Variants in KLF15 observed in about 807,000 individuals in gnomAD.
The protein encoded by KLF15 is KLF transcription factor 15, also known as Krueppel-like factor 15.
A neutral mutation model predicts 24.6 loss-of-function variants in KLF15; 4 were observed. The ratio of observed to expected loss-of-function variants is 0.16; its 90% CI spans 0.08 to 0.37. KLF15 has a LOEUF of 0.37. KLF15 is among the 10% of genes least tolerant of loss of function. KLF15 has a pLI of 1.00. For synonymous variants in KLF15, 246 were observed against 236.3 expected, an observed-to-expected ratio of 1.04 and a Z score of -0.37; for missense variants, 496 against 560.6, an observed-to-expected ratio of 0.88 and a Z score of 1.16.
intron 1 of KLF15, among the ~76,000 whole-genome samples, chr3:126,354,989 G>A (rs941722180): frequency 3.9e-5 from 6 of 152,222 alleles, no homozygotes; most frequent in Admixed American, 3.9e-4. Flanking sequence ...CTGGCACACC[G>A]GCAGCACTCA....
At chr3:126,330,788 T>C in the KLF15 span, among the ~76,000 whole-genome samples, 1 of 152,248 alleles carries the variant, frequency 6.6e-6, no homozygotes, top group African/African-American at 2.4e-5. Flanking sequence ...GTGAATTTTC[T>C]GTGCATGATG....
intron 1 of KLF15, among the ~76,000 whole-genome samples, chr3:126,353,165 C>G (rs1474609175): frequency 1.3e-5 from 2 of 152,236 alleles, no homozygotes; most frequent in African/African-American, 2.4e-5. Flanking sequence ...ATTGCATAAC[C>G]AGGGGCACTT....
At chr3:126,319,655 G>T in the KLF15 span, among the ~76,000 whole-genome samples, 1 of 152,080 alleles carries the variant, frequency 6.6e-6, no homozygotes, top group Admixed American at 6.5e-5. Flanking sequence ...GAGTTGTTTT[G>T]TTGTGTTTTT....
At chr3:126,346,099 T>C (rs905487280) in intron 2 of KLF15, among the ~76,000 whole-genome samples, 9 of 152,148 alleles carry the variant, frequency 5.9e-5, no homozygotes, top group Non-Finnish European at 1.2e-4. Context: ...TGGGTGTGTG[T>C]GTCACAGGGC....
the KLF15 span, among the ~76,000 whole-genome samples, chr3:126,327,789 A>G: frequency 6.6e-6 from 1 of 152,222 alleles, no homozygotes; most frequent in East Asian, 1.9e-4. Flanking sequence ...TCTGGTTACC[A>G]TAATTTATCT....
chr3:126,349,894 G>A (rs1158828539), intron 2 of KLF15, among the ~76,000 whole-genome samples: 3 of 152,220 alleles, frequency 2.0e-5, no homozygotes, highest in Non-Finnish European at 4.4e-5. Context: ...CCCTCTTGGG[G>A]GCTGGAGAGA....
chr3:126,324,398 T>G, the KLF15 span, among the ~76,000 whole-genome samples: 2 of 80,564 alleles, frequency 2.5e-5, no homozygotes, highest in Non-Finnish European at 4.7e-5. Flanking sequence ...AGTAATGTTC[T>G]TTATAGCATT....
chr3:126,342,403 G>C (rs939825217), downstream of KLF15, among the ~76,000 whole-genome samples: 2 of 152,172 alleles, frequency 1.3e-5, no homozygotes, highest in African/African-American at 4.8e-5. Context: ...TTGGGTTTAC[G>C]GAGCTCCAGG....
At chr3:126,316,150 G>T in the KLF15 span, among the ~76,000 whole-genome samples, 2 of 152,174 alleles carry the variant, frequency 1.3e-5, no homozygotes, top group Non-Finnish European at 2.9e-5. Context: ...TTACTATCCG[G>T]CCCTTCACAA....
At chr3:126,298,156 G>C in the KLF15 span, among the ~76,000 whole-genome samples, 1 of 152,040 alleles carries the variant, frequency 6.6e-6, no homozygotes, top group African/African-American at 2.4e-5. Context: ...CAGGAGTAAG[G>C]TGGTATCTCA....
chr3:126,352,650 G>A lies in KLF15; in HGVS notation c.273C>T (p.Gly91=), dbSNP rs547995503. Reference sequence around the variant, plus strand: ...TGCTGGCCCCAATGCTACTGCCGCTGCCCCCGCCACTGCCCAGCGTGGCCT... The same window carrying A: ...TGCTGGCCCCAATGCTACTGCCGCTACCCCCGCCACTGCCCAGCGTGGCCT... ...LSQATLGSGG[G]SGSSIGASSG... Residue 91 remains glycine (G), a synonymous_variant, in exon 2 of 3, where the codon GGC becomes GGT. Transcript: ENST00000296233. The A allele has an allele frequency of 6.4e-7, 1 of 1,572,684 alleles. No individual in the cohort carries two copies. The highest frequency in any genetic ancestry group is 1.4e-5 in the African/African-American group (1 of 73,894).
the KLF15 span, among the ~76,000 whole-genome samples, chr3:126,299,482 G>T: frequency 6.6e-5 from 10 of 151,978 alleles, no homozygotes; most frequent in Non-Finnish European, 1.3e-4. Context: ...GGGCACGGTG[G>T]CTCACGCCTG....
At chr3:126,324,749 T>G in the KLF15 span, among the ~76,000 whole-genome samples, 2 of 89,882 alleles carry the variant, frequency 2.2e-5, no homozygotes, top group African/African-American at 8.4e-5. Context: ...TCATTGGTGA[T>G]GTTAACTTTT....
the KLF15 span, among the ~76,000 whole-genome samples, chr3:126,305,558 A>G: frequency 1.3e-5 from 2 of 152,242 alleles, no homozygotes; most frequent in Admixed American, 6.5e-5. Flanking sequence ...ACAAAGCAAA[A>G]TGAAACAAAT....
the KLF15 span, among the ~76,000 whole-genome samples, chr3:126,323,473 TTATATATATATATAACA>T: frequency 1.5e-5 from 1 of 64,610 alleles, no homozygotes; most frequent in Non-Finnish European, 2.7e-5. Flanking sequence ...CATATATATG[TTATATATATATATAACA>T]TATATATATA....
chr3:126,308,650 C>T, the KLF15 span, among the ~76,000 whole-genome samples: 5 of 152,142 alleles, frequency 3.3e-5, no homozygotes, highest in East Asian at 1.9e-4. Flanking sequence ...GGGGCATTTT[C>T]GGTGCAGCGG....
the KLF15 span, among the ~76,000 whole-genome samples, chr3:126,317,597 G>A: frequency 1.3e-5 from 2 of 152,086 alleles, no homozygotes; most frequent in African/African-American, 2.4e-5. Context: ...AACACACTGC[G>A]CACCCCGGAG....
rs1353087197 is a variant in KLF15, at chr3:126,356,395, G to C, written c.-26+842C>G. 5.9e-5 allele frequency among the ~76,000 whole-genome samples: 9 copies of C among 152,270 alleles called. No homozygotes were observed. Among genetic ancestry groups the C allele is most frequent in the African/African-American group, 1.9e-4 (8 of 41,560 alleles). On this transcript the variant is annotated intron_variant, in intron 1 of 2. Transcript: ENST00000296233. The surrounding 1 kb of genome is among the most constrained non-coding windows in gnomAD (Gnocchi z 4.4). ...GCCCCTCTGTGCCCTCCGTGAGAGG[G>C]GGGTTCCATGAGTAACACCAAGGCG... is the stretch of plus-strand genomic sequence containing the variant.
At chr3:126,307,764 G>A in the KLF15 span, among the ~76,000 whole-genome samples, 1 of 152,188 alleles carries the variant, frequency 6.6e-6, no homozygotes, top group South Asian at 2.1e-4. Context: ...CTGGCTAAGG[G>A]GAGCCATCCC....
Sources: gnomAD v4.1 joint callset for allele counts (sites outside exome capture counted in the v4.1 genomes callset) on GRCh38, gnomAD v4.1.1 for gene constraint, Gnocchi (gnomAD v3.1) non-coding constraint, MANE v1.5 for transcripts, NCBI Gene and HGNC (gene_info 2026-07-23, HGNC 2026-07-21) for gene names.